The following UNC5D variants were observed in gnomAD, a reference collection of about 807,000 sequenced individuals.
UNC5D encodes the protein unc-5 netrin receptor D, also known as netrin receptor UNC5D.
UNC5D carries 39 observed loss-of-function variants against 105.4 expected under a neutral mutation model. The observed-to-expected ratio is 0.37, with a 90% CI of 0.29 to 0.48. The LOEUF (loss-of-function observed/expected upper bound fraction) is 0.48. UNC5D is among the 20% of genes least tolerant of loss of function. The pLI is 0.98. For synonymous variants in UNC5D, 452 were observed against 450.4 expected, an observed-to-expected ratio of 1.00 and a Z score of -0.04; for missense variants, 991 against 1,202.4, an observed-to-expected ratio of 0.82 and a Z score of 2.60.
intron 1 of UNC5D, among the ~76,000 whole-genome samples, chr8:35,458,307 T>G (rs1808638348): frequency 6.6e-6 from 1 of 152,098 alleles, no homozygotes; most frequent in African/African-American, 2.4e-5. Context: ...AGTTCTTTAA[T>G]TTAGTACAAA....
intron 4 of UNC5D, among the ~76,000 whole-genome samples, chr8:35,618,256 A>G (rs536748143): frequency 6.6e-6 from 1 of 152,304 alleles, no homozygotes; most frequent in African/African-American, 2.4e-5. Flanking sequence ...TCTAGGTACC[A>G]GTGGAGATGC....
chr8:35,348,342 G>A (rs1811952952), intron 1 of UNC5D, among the ~76,000 whole-genome samples: 1 of 151,886 alleles, frequency 6.6e-6, no homozygotes, highest in Non-Finnish European at 1.5e-5. Flanking sequence ...GAGTAAAGGG[G>A]TATCTGGAAT....
intron 7 of UNC5D, among the ~76,000 whole-genome samples, chr8:35,695,739 T>TTATG (rs1326851781): frequency 6.6e-6 from 1 of 151,082 alleles, no homozygotes; most frequent in Non-Finnish European, 1.5e-5. Context: ...ATTTATTTAT[T>TTATG]TATTTATTTA....
intron 1 of UNC5D, among the ~76,000 whole-genome samples, chr8:35,529,479 G>T (rs1233949224): frequency 6.8e-6 from 1 of 147,060 alleles, no homozygotes; most frequent in Non-Finnish European, 1.5e-5. Flanking sequence ...AAGTCAGGTA[G>T]TGTGATGCCT....
At chr8:35,635,915 G>A (rs1370695013) in intron 4 of UNC5D, among the ~76,000 whole-genome samples, 1 of 152,146 alleles carries the variant, frequency 6.6e-6, no homozygotes, top group African/African-American at 2.4e-5. Context: ...AAAGTGGCAT[G>A]CACTTCATCC....
At chr8:35,473,487 T>C (rs1449288220) in intron 1 of UNC5D, among the ~76,000 whole-genome samples, 1 of 152,136 alleles carries the variant, frequency 6.6e-6, no homozygotes, top group Non-Finnish European at 1.5e-5. Context: ...TGCACATTAA[T>C]TGACACCCAT....
chr8:35,571,129 G>A (rs902114182), intron 3 of UNC5D, among the ~76,000 whole-genome samples: 2 of 152,102 alleles, frequency 1.3e-5, no homozygotes, highest in Non-Finnish European at 2.9e-5. Context: ...GGGATTACAG[G>A]CATGAACGAC....
intron 1 of UNC5D, among the ~76,000 whole-genome samples, chr8:35,392,342 G>A (rs1388170335): frequency 6.6e-6 from 1 of 152,146 alleles, no homozygotes; most frequent in Non-Finnish European, 1.5e-5. Context: ...CTCTCCAGTG[G>A]CTGGGACTAT....
intron 15 of UNC5D, among the ~76,000 whole-genome samples, chr8:35,770,063 C>T (rs75279279): frequency 0.024 from 3,702 of 152,178 alleles, 69 homozygotes; most frequent in Non-Finnish European, 0.037. Flanking sequence ...ATTGGGATGA[C>T]CTGGGGAGGT....
intron 1 of UNC5D, among the ~76,000 whole-genome samples, chr8:35,250,490 T>C (rs1803618358): frequency 6.6e-6 from 1 of 152,020 alleles, no homozygotes; most frequent in African/African-American, 2.4e-5. Context: ...TAGTACCCAA[T>C]AGTTAGTTTG....
intron 4 of UNC5D, among the ~76,000 whole-genome samples, chr8:35,614,022 C>T (rs1820860103): frequency 6.6e-6 from 1 of 152,144 alleles, no homozygotes; most frequent in South Asian, 2.1e-4. Flanking sequence ...AGAGGGAGGA[C>T]CCCAAAGTTC....
intron 4 of UNC5D, among the ~76,000 whole-genome samples, chr8:35,615,046 C>T (rs1278017141): frequency 4.9e-5 from 6 of 123,392 alleles, no homozygotes; most frequent in Non-Finnish European, 8.8e-5. Flanking sequence ...GCCCCCCCCC[C>T]CCCGTCCCCC....
At chr8:35,244,784 G>A (rs1022616018) in intron 1 of UNC5D, among the ~76,000 whole-genome samples, 3 of 152,090 alleles carry the variant, frequency 2.0e-5, no homozygotes, top group African/African-American at 4.8e-5. Context: ...GCTGAGGTGG[G>A]AGGATGGCTT....
chr8:35,271,392 T>C (rs1381433099), intron 1 of UNC5D, among the ~76,000 whole-genome samples: 7 of 123,256 alleles, frequency 5.7e-5, no homozygotes, highest in East Asian at 2.7e-4. Context: ...TGTACACACA[T>C]GCACGTGTGT....
At chr8:35,651,445 C>G (rs1021973595) in intron 4 of UNC5D, among the ~76,000 whole-genome samples, 11 of 152,176 alleles carry the variant, frequency 7.2e-5, no homozygotes, top group African/African-American at 2.7e-4. Flanking sequence ...AGGCCGAGAT[C>G]AGACAGTTTG....
intron 3 of UNC5D, among the ~76,000 whole-genome samples, chr8:35,585,352 C>T (rs1356594438): frequency 6.6e-6 from 1 of 152,084 alleles, no homozygotes; most frequent in Admixed American, 6.6e-5. Flanking sequence ...ATGCTCAGTG[C>T]CTGGCATCAA....
At chr8:35,496,238 T>C (rs376737839) in intron 1 of UNC5D, among the ~76,000 whole-genome samples, 43 of 151,906 alleles carry the variant, frequency 2.8e-4, no homozygotes, top group Middle Eastern at 3.4e-3. Context: ...TATCTGTGAG[T>C]AGGGGATGGA....
chr8:35,670,244 A>G (rs16884213), intron 4 of UNC5D, among the ~76,000 whole-genome samples: 1,887 of 152,314 alleles, frequency 0.012, 52 homozygotes, highest in African/African-American at 0.044. Context: ...TAATGACCTT[A>G]GCAAGAGCCA....
intron 1 of UNC5D, among the ~76,000 whole-genome samples, chr8:35,249,256 A>G (rs1803514922): frequency 1.3e-5 from 2 of 149,128 alleles, no homozygotes. Flanking sequence ...GTGACTGGAT[A>G]TACTTTTAAA....
Sources: gnomAD v4.1 joint callset for allele counts (sites outside exome capture counted in the v4.1 genomes callset) on GRCh38, gnomAD v4.1.1 for gene constraint, MANE v1.5 for transcripts, NCBI Gene and HGNC (gene_info 2026-07-23, HGNC 2026-07-21) for gene names.